Variants in ABTB2 observed in about 807,000 individuals in gnomAD.
ABTB2 encodes ankyrin repeat and BTB/POZ domain-containing protein 2.
ABTB2 carries 56 observed loss-of-function variants against 104.1 expected under a neutral mutation model. The ratio of observed to expected loss-of-function variants is 0.54; its 90% CI spans 0.43 to 0.67. The LOEUF is 0.67. ABTB2 is among the 30% of genes least tolerant of loss of function. ABTB2 has a pLI of 0.00. For synonymous variants in ABTB2, 606 were observed against 608.2 expected (o/e 1.00, Z 0.05); for missense variants, 1,279 against 1,407.7 (o/e 0.91, Z 1.46).
At chr11:34,246,500 C>T (rs566341248) in intron 1 of ABTB2, among the ~76,000 whole-genome samples, 148 of 143,410 alleles carry the variant, frequency 1.0e-3, no homozygotes, top group Middle Eastern at 3.7e-3. Flanking sequence ...ACTTGGGAGG[C>T]TTAGGCAGGA....
chr11:34,324,204 C>A (rs1855040929), intron 1 of ABTB2, among the ~76,000 whole-genome samples: 1 of 152,144 alleles, frequency 6.6e-6, no homozygotes, highest in Admixed American at 6.5e-5. Context: ...AGCCACCATG[C>A]CCAGCTACTT....
chr11:34,324,537 A>G (rs1303425702), intron 1 of ABTB2, among the ~76,000 whole-genome samples: 3 of 151,964 alleles, frequency 2.0e-5, no homozygotes, highest in Non-Finnish European at 4.4e-5. Context: ...CCCCTCCAAC[A>G]CTTCTTCCTA....
chr11:34,242,198 C>T (rs1337595997), intron 1 of ABTB2, among the ~76,000 whole-genome samples: 1 of 152,190 alleles, frequency 6.6e-6, no homozygotes, highest in Non-Finnish European at 1.5e-5. Context: ...AGGCCTTCTG[C>T]CGCAGATCTG....
chr11:34,291,335 A>G (rs896944274), intron 1 of ABTB2, among the ~76,000 whole-genome samples: 7 of 152,098 alleles, frequency 4.6e-5, no homozygotes, highest in Non-Finnish European at 7.4e-5. Context: ...CACATTCCCA[A>G]TGTGGAGGAG....
intron 1 of ABTB2, among the ~76,000 whole-genome samples, chr11:34,258,323 T>C (rs961081445): frequency 2.6e-5 from 4 of 152,320 alleles, no homozygotes; most frequent in South Asian, 2.1e-4. Flanking sequence ...CATTTTTTTT[T>C]CCCTTTAATC....
At chr11:34,353,397 G>A (rs1855423794) in intron 1 of ABTB2, among the ~76,000 whole-genome samples, 2 of 152,128 alleles carry the variant, frequency 1.3e-5, no homozygotes. Flanking sequence ...AGGAGAGTAG[G>A]GAGGGATATG....
chr11:34,329,078 G>A (rs996484344), intron 1 of ABTB2, among the ~76,000 whole-genome samples: 1 of 152,120 alleles, frequency 6.6e-6, no homozygotes, highest in Admixed American at 6.5e-5. Context: ...AAGCTATTCA[G>A]CACCTAAATG....
At chr11:34,241,196 TGTACAGCGG>T (rs1358639520) in intron 1 of ABTB2, among the ~76,000 whole-genome samples, 1 of 152,234 alleles carries the variant, frequency 6.6e-6, no homozygotes, top group Non-Finnish European at 1.5e-5. Flanking sequence ...TTTCCTCATC[TGTACAGCGG>T]GAATAACAGA....
At chr11:34,225,315 C>G (rs992653916) in intron 1 of ABTB2, among the ~76,000 whole-genome samples, 3 of 152,106 alleles carry the variant, frequency 2.0e-5, no homozygotes, top group African/African-American at 7.2e-5. Flanking sequence ...GCCTGGGGAG[C>G]AAAGAATTAA....
Position 34,163,465 on chromosome 11 carries a change from G to A in ABTB2, c.1989-660C>T, listed in dbSNP as rs918049716. Among the ~76,000 whole-genome samples, 3 of 152,222 alleles carry A rather than the reference G, an allele frequency of 2.0e-5. 1 individual carries two copies. Among genetic ancestry groups the A allele is most frequent in the Admixed American group, 1.3e-4 (2 of 15,286 alleles). ...GCCCAGACACATCACCGTCATAGGCGATGGATCCATCTTGCTCAAGGCCAC... is the reference window on the plus strand; with the variant it reads ...GCCCAGACACATCACCGTCATAGGCAATGGATCCATCTTGCTCAAGGCCAC... On this transcript the variant is annotated intron_variant, in intron 9 of 16. Transcript: ENST00000435224.
intron 1 of ABTB2, among the ~76,000 whole-genome samples, chr11:34,295,960 G>A (rs934026706): frequency 6.6e-6 from 1 of 152,120 alleles, no homozygotes; most frequent in African/African-American, 2.4e-5. Context: ...GTCCATAACA[G>A]GCTAAAAACT....
At chr11:34,350,139 G>A (rs986863726) in intron 1 of ABTB2, among the ~76,000 whole-genome samples, 13 of 152,116 alleles carry the variant, frequency 8.5e-5, no homozygotes, top group Non-Finnish European at 1.0e-4. Context: ...TCCAAAGTCT[G>A]GGCCCTTCAC....
chr11:34,350,079 T>G (rs1855379717), intron 1 of ABTB2, among the ~76,000 whole-genome samples: 1 of 152,158 alleles, frequency 6.6e-6, no homozygotes, highest in Non-Finnish European at 1.5e-5. Flanking sequence ...GTGACTTGCT[T>G]GAAGGCCTAG....
chr11:34,195,069 G>T (rs1285000670), intron 3 of ABTB2, among the ~76,000 whole-genome samples: 3 of 87,070 alleles, frequency 3.4e-5, no homozygotes, highest in Non-Finnish European at 7.9e-5. Context: ...TGACAAAGAT[G>T]CCCGGCGGGG....
chr11:34,210,612 T>C (rs922201810), intron 1 of ABTB2, among the ~76,000 whole-genome samples: 1 of 152,150 alleles, frequency 6.6e-6, no homozygotes, highest in Non-Finnish European at 1.5e-5. Flanking sequence ...TTGTAAATGT[T>C]CTTTCTGGGC....
At chr11:34,200,947 C>T (rs1422193623) in intron 2 of ABTB2, among the ~76,000 whole-genome samples, 3 of 152,172 alleles carry the variant, frequency 2.0e-5, no homozygotes, top group Non-Finnish European at 4.4e-5. Context: ...ACTTACATAG[C>T]AATTGACAGT....
chr11:34,346,510 A>C (rs1330849609), intron 1 of ABTB2, among the ~76,000 whole-genome samples: 2 of 152,182 alleles, frequency 1.3e-5, no homozygotes, highest in African/African-American at 2.4e-5. Flanking sequence ...ATTAATCTTA[A>C]TATTAAAAAG....
chr11:34,311,982 A>C (rs138226257), intron 1 of ABTB2, among the ~76,000 whole-genome samples: 3,911 of 152,170 alleles, frequency 0.026, 169 homozygotes, highest in African/African-American at 0.09. Flanking sequence ...GTCTACTAAA[A>C]ATACAAAAAT....
intron 1 of ABTB2, among the ~76,000 whole-genome samples, chr11:34,334,419 T>C (rs183944186): frequency 1.3e-5 from 2 of 152,314 alleles, no homozygotes; most frequent in African/African-American, 4.8e-5. Flanking sequence ...AGGGTATGAA[T>C]GGTGGCCTGT....
Sources: gnomAD v4.1 joint callset for allele counts (sites outside exome capture counted in the v4.1 genomes callset) on GRCh38, gnomAD v4.1.1 for gene constraint, MANE v1.5 for transcripts, NCBI Gene and HGNC (gene_info 2026-07-23, HGNC 2026-07-21) for gene names.